LIG1: variants seen among roughly 807,000 people sequenced by gnomAD.
LIG1 encodes ligase I, DNA, ATP-dependent.
LIG1 carries 70 observed loss-of-function variants against 115.7 expected under a neutral mutation model. That is an observed-to-expected ratio of 0.60 (90% CI 0.50 to 0.74). LIG1 has a LOEUF of 0.74. LIG1 is among the 30% of genes least tolerant of loss of function. The pLI, the probability that LIG1 is intolerant of heterozygous loss-of-function variation, is 0.00. For synonymous variants in LIG1, 487 were observed against 495.3 expected (o/e 0.98, Z 0.22); for missense variants, 1,115 against 1,225.6 (o/e 0.91, Z 1.35).
chr19:48,127,438 C>G, intron 20 of LIG1, 90 bp from the exon 21 acceptor site: 1 of 1,158,668 alleles, frequency 8.6e-7, no homozygotes, highest in African/African-American at 2.4e-5. Flanking sequence ...ACCGGTCTCC[C>G]TCTCGCCCCA....
At chr19:48,149,034 G>A (rs1004341528) in intron 9 of LIG1, among the ~76,000 whole-genome samples, 2 of 152,232 alleles carry the variant, frequency 1.3e-5, no homozygotes, top group African/African-American at 4.8e-5. Context: ...TTCAGGCCAG[G>A]TGTACTGGCT....
chr19:48,162,921 A>T (rs1189457807), intron 2 of LIG1, among the ~76,000 whole-genome samples: 1 of 109,724 alleles, frequency 9.1e-6, no homozygotes, highest in Non-Finnish European at 1.9e-5. Context: ...CACTTTTTAA[A>T]TCTTTTTTTT....
chr19:48,144,825 C>T (rs531099631), intron 9 of LIG1, among the ~76,000 whole-genome samples: 3 of 152,150 alleles, frequency 2.0e-5, no homozygotes, highest in Non-Finnish European at 4.4e-5. Context: ...TTCTAACTTC[C>T]TTTTCCGGAT....
intron 25 of LIG1, 23 bp downstream of exon 25, chr19:48,119,114 G>A (rs555788609): frequency 1.9e-6 from 3 of 1,561,046 alleles, no homozygotes; most frequent in Admixed American, 1.9e-5. Context: ...GGTGGAGGCT[G>A]AGGCGCAGCC....
intron 5 of LIG1, among the ~76,000 whole-genome samples, chr19:48,155,762 T>G (rs140272853): frequency 2.6e-5 from 4 of 152,264 alleles, no homozygotes; most frequent in African/African-American, 9.6e-5. Context: ...ACTGCACATC[T>G]CAAGTTGGAC....
intron 3 of LIG1, 147 bp downstream of exon 3, chr19:48,162,115 G>T: frequency 1.4e-6 from 1 of 733,448 alleles, no homozygotes. Context: ...TGTGCCTGCA[G>T]CTGCTCTTGC....
At chr19:48,138,275 T>A (rs2122644778) in intron 12 of LIG1, among the ~76,000 whole-genome samples, 1 of 152,292 alleles carries the variant, frequency 6.6e-6, no homozygotes, top group African/African-American at 2.4e-5. Context: ...AACACACCCT[T>A]GTCACCAGAT....
At chr19:48,169,082 G>T (rs2036628248) in intron 1 of LIG1, among the ~76,000 whole-genome samples, 1 of 152,190 alleles carries the variant, frequency 6.6e-6, no homozygotes. Context: ...TGGACCTCCA[G>T]GGCATTGTGC....
chr19:48,121,247 T>C lies in LIG1; in HGVS notation c.2308A>G (p.Lys770Glu), dbSNP rs1297099305. Residue 770 changes from lysine (K) to glutamate (E), a missense_variant, in exon 24 of 28, where the codon AAG becomes GAG. Physicochemically the swap from Lys to Glu is moderately conservative, Grantham distance 56. Transcript: ENST00000263274. Reference sequence around the variant, plus strand: ...AAGCCCCCGTACCGGCCGGCCCGCTTCCCCCGGCCCAGGTAGGCGCCGATC... The same window carrying C: ...AAGCCCCCGTACCGGCCGGCCCGCTCCCCCCGGCCCAGGTAGGCGCCGATC... ...VVIGAYLGRG[K>E]RAGRYGGFLL... 1 of 1,613,554 alleles carries C rather than the reference T, an allele frequency of 6.2e-7. No homozygotes were observed. The highest frequency in any genetic ancestry group is 8.5e-7 in the Non-Finnish European group (1 of 1,179,822).
chr19:48,150,675 T>C (rs888546677), intron 7 of LIG1, among the ~76,000 whole-genome samples: 1 of 152,238 alleles, frequency 6.6e-6, no homozygotes, highest in African/African-American at 2.4e-5. Flanking sequence ...CTATGACTTC[T>C]GAAAGCTATG....
chr19:48,162,933 T>TA (rs2036266767), intron 2 of LIG1, among the ~76,000 whole-genome samples: 1 of 150,802 alleles, frequency 6.6e-6, no homozygotes, highest in South Asian at 2.1e-4. Context: ...CTTTTTTTTT[T>TA]AGACAGACTC....
chr19:48,148,770 C>A (rs944770174), intron 9 of LIG1, among the ~76,000 whole-genome samples: 9 of 152,148 alleles, frequency 5.9e-5, no homozygotes, highest in African/African-American at 2.2e-4. Context: ...TGTTAGATGT[C>A]GTGGGAATCA....
chr19:48,165,711 A>AG (rs1568560805), intron 1 of LIG1, 88 bp from the exon 2 acceptor site: 1 of 985,586 alleles, frequency 1.0e-6, no homozygotes. Context: ...GAAAGAAAGA[A>AG]AAAAAAAAAC....
Position 48,143,956 on chromosome 19 carries a change from C to G in LIG1, c.784G>C (p.Asp262His). ...GKEGAAEGPL[D>H]PSGYNPAKNN... ...TTGGCAGGATTGTAACCAGATGGAT[C>G]CAGGGGTCTACGGAGGCAAAACGGA... Residue 262 changes from aspartate to histidine, a missense_variant, in exon 10 of 28, where the codon GAT (aspartate) becomes CAT (histidine). By Grantham distance (81) the Asp-to-His change is moderately conservative. Coordinates refer to ENST00000263274, the MANE Select transcript of LIG1 (RefSeq NM_000234.3). The G allele has an allele frequency of 6.2e-7, 1 of 1,613,792 alleles. No individual in the cohort carries two copies. The highest frequency in any genetic ancestry group is 8.5e-7 in the Non-Finnish European group (1 of 1,179,740).
At chr19:48,167,612 G>A (rs747873358) in intron 1 of LIG1, among the ~76,000 whole-genome samples, 1 of 151,974 alleles carries the variant, frequency 6.6e-6, no homozygotes, top group Non-Finnish European at 1.5e-5. Flanking sequence ...GGATCACGAG[G>A]TCAGGAGTTC....
At chr19:48,147,911 C>G (rs1397970315) in intron 9 of LIG1, among the ~76,000 whole-genome samples, 1 of 152,070 alleles carries the variant, frequency 6.6e-6, no homozygotes, top group Non-Finnish European at 1.5e-5. Context: ...GTGCTGGGAG[C>G]TAGGCAAGAA....
At position 48,137,963 on chromosome 19, in the gene LIG1, T is replaced by G; in HGVS notation, c.1088-275A>C. 3.6e-6 allele frequency: 2 copies of G among 553,024 alleles called. No individual in the cohort carries two copies. Among genetic ancestry groups the G allele is most frequent in the Non-Finnish European group, 6.6e-6 (2 of 304,002 alleles). 34.3% of individuals were successfully genotyped at this position (553,024 alleles called of 1,614,324 possible). On this transcript the variant is annotated intron_variant, in intron 12 of 27. Coordinates refer to ENST00000263274, the MANE Select transcript of LIG1 (RefSeq NM_000234.3). This position sits in a 1 kb window ranked among gnomAD's most constrained non-coding sequence, Gnocchi z 4.3. Reference sequence around the variant, plus strand: ...CACTCAGGGGAGACATCTGGGCCGGTGTCATCAGGGCGCGGATGGGATTTA... The same window carrying G: ...CACTCAGGGGAGACATCTGGGCCGGGGTCATCAGGGCGCGGATGGGATTTA...
chr19:48,156,103 T>C (rs1255017191), intron 5 of LIG1, among the ~76,000 whole-genome samples: 1 of 152,174 alleles, frequency 6.6e-6, no homozygotes, highest in East Asian at 1.9e-4. Context: ...TTCCCCAAGC[T>C]GGTTTTCCAG....
chr19:48,154,010 G>C (rs778768010), intron 5 of LIG1, 43 bp from the exon 6 acceptor site: 2 of 1,530,660 alleles, frequency 1.3e-6, no homozygotes, highest in African/African-American at 2.7e-5. Flanking sequence ...TCGCTGGCTC[G>C]TGTGCTCCCA....
Sources: allele counts gnomAD v4.1 joint callset (sites outside exome capture counted in the v4.1 genomes callset), GRCh38; gene constraint gnomAD v4.1.1; non-coding constraint Gnocchi (gnomAD v3.1); transcripts MANE v1.5; gene names NCBI Gene and HGNC (gene_info 2026-07-23, HGNC 2026-07-21).